QPCT: variants seen among roughly 807,000 people sequenced by gnomAD.
QPCT encodes the protein EC.
A neutral mutation model predicts 43.4 loss-of-function variants in QPCT; 44 were observed. The ratio of observed to expected loss-of-function variants is 1.01; its 90% CI spans 0.80 to 1.30. The LOEUF (loss-of-function observed/expected upper bound fraction) is 1.30. Among genes scored for constraint, QPCT ranks in the 50% most tolerant of loss-of-function variants. QPCT has a pLI of 0.00. For synonymous variants in QPCT, 168 were observed against 168.4 expected, an observed-to-expected ratio of 1.00 and a Z score of 0.02; for missense variants, 526 against 436.5, an observed-to-expected ratio of 1.21 and a Z score of -1.83.
At position 37,372,486 on chromosome 2, in the gene QPCT, G is replaced by C. The variant is rs1375441549; in HGVS notation, c.940+14G>C. 1 of 1,591,576 alleles carries C rather than the reference G, an allele frequency of 6.3e-7. No individual in the cohort carries two copies. Among genetic ancestry groups the C allele is most frequent in the South Asian group, 1.1e-5 (1 of 90,600 alleles). The stretch of plus-strand genomic sequence containing the variant: ...TTTTAAGAAGAGGTAATGTGTGTGT[G>C]TGTGTGTGTTTGTGTGTGTGTGCGT... On this transcript the variant is annotated intron_variant, in intron 6 of 6. Transcript: ENST00000338415.
intron 3 of QPCT, among the ~76,000 whole-genome samples, chr2:37,365,665 T>G (rs1309176463): frequency 6.6e-6 from 1 of 152,180 alleles, no homozygotes; most frequent in Non-Finnish European, 1.5e-5. Flanking sequence ...GAAATGGTAT[T>G]TGCTAGAGCA....
intron 5 of QPCT, 60 bp downstream of exon 5, chr2:37,369,844 T>C: frequency 9.9e-6 from 14 of 1,417,120 alleles, no homozygotes; most frequent in Middle Eastern, 1.8e-4. Context: ...AGATACTACA[T>C]TTTTAACATT....
Position 37,352,810 on chromosome 2 carries a change from T to G in QPCT, c.142T>G (p.Leu48Val). The G allele has an allele frequency of 6.2e-7, 1 of 1,614,132 alleles. No homozygotes were observed. Among genetic ancestry groups the G allele is most frequent in the Non-Finnish European group, 8.5e-7 (1 of 1,179,952 alleles). Residue 48 changes from leucine (L) to valine (V), a missense_variant, in exon 2 of 7, where the codon TTG becomes GTG. Leu to Val is a conservative substitution (Grantham distance 32). Coordinates refer to ENST00000338415, the MANE Select transcript of QPCT (RefSeq NM_012413.4). Reference sequence around the variant, plus strand: ...TCAGAATTACCACCAGCCAGCCATTTTGAATTCATCGGCTCTTCGGCAAAT... The same window carrying G: ...TCAGAATTACCACCAGCCAGCCATTGTGAATTCATCGGCTCTTCGGCAAAT... ...EEKNYHQPAI[L>V]NSSALRQIAE...
rs777455765 is a variant in QPCT, at chr2:37,359,668, C to G, written c.356C>G (p.Ser119Cys). 1 of 1,614,108 alleles carries G rather than the reference C, an allele frequency of 6.2e-7. No homozygotes were observed. The highest frequency in any genetic ancestry group is 1.1e-5 in the South Asian group (1 of 91,080). ...AGTCAGACACCCTATGGGTACCGGTCTTTCTCAAATATCATCAGCACCCTC... is the reference window on the plus strand; with the variant it reads ...AGTCAGACACCCTATGGGTACCGGTGTTTCTCAAATATCATCAGCACCCTC... ...FLSQTPYGYR[S>C]FSNIISTLNP... Residue 119 changes from serine (S) to cysteine (C), a missense_variant, in exon 3 of 7, where the codon TCT becomes TGT. Physicochemically the swap from Ser to Cys is moderately radical, Grantham distance 112. Transcript: ENST00000338415.
chr2:37,344,901 C>A, intron 1 of QPCT, 50 bp downstream of exon 1: 1 of 1,499,552 alleles, frequency 6.7e-7, no homozygotes, highest in Non-Finnish European at 8.9e-7. Flanking sequence ...TGGTCCGATG[C>A]GAGGACCCCT....
At chr2:37,346,776 G>A (rs911168130) in intron 1 of QPCT, among the ~76,000 whole-genome samples, 1 of 152,036 alleles carries the variant, frequency 6.6e-6, no homozygotes, top group Non-Finnish European at 1.5e-5. Flanking sequence ...AAGTCTTGCA[G>A]CCTGGGTGAT....
chr2:37,367,391 A>G lies in QPCT; in HGVS notation c.706A>G (p.Ser236Gly). The part of the protein sequence containing the change: ...TPHPPGARGT[S>G]QLHGMDLLVL... ...GCACCCACCTGGAGCGAGAGGCACCAGCCAACTGCATGGCATGGTTAGTCT... is the reference window on the plus strand; with the variant it reads ...GCACCCACCTGGAGCGAGAGGCACCGGCCAACTGCATGGCATGGTTAGTCT... The change falls in exon 4 of 7, where the codon AGC becomes GGC. Residue 236 changes from serine to glycine, a missense_variant. Coordinates refer to ENST00000338415, the MANE Select transcript of QPCT (RefSeq NM_012413.4). 1 of 1,613,712 alleles carries G rather than the reference A, an allele frequency of 6.2e-7. No individual in the cohort carries two copies. Among genetic ancestry groups the G allele is most frequent in the Non-Finnish European group, 8.5e-7 (1 of 1,179,808 alleles).
At chr2:37,357,086 A>C (rs1672767323) in intron 2 of QPCT, among the ~76,000 whole-genome samples, 1 of 152,188 alleles carries the variant, frequency 6.6e-6, no homozygotes, top group Non-Finnish European at 1.5e-5. Flanking sequence ...TAGTGTCAAC[A>C]AGGTCATCAG....
At chr2:37,370,631 A>G (rs932055506) in intron 5 of QPCT, among the ~76,000 whole-genome samples, 2 of 152,148 alleles carry the variant, frequency 1.3e-5, no homozygotes, top group African/African-American at 4.8e-5. Flanking sequence ...CCAAAGAAGC[A>G]AGAGATCAGG....
At chr2:37,355,836 A>T (rs62133300) in intron 2 of QPCT, among the ~76,000 whole-genome samples, 1,540 of 152,278 alleles carry the variant, frequency 0.01, 7 homozygotes, top group Non-Finnish European at 0.015. Flanking sequence ...AAAGAGGCAA[A>T]CTAGAAACTT....
rs1672445889 is a variant in QPCT at position 37,344,842 on chromosome 2, A to G, written c.111A>G (p.Pro37=). 7 of 1,595,576 alleles carry G rather than the reference A, an allele frequency of 4.4e-6. No individual in the cohort carries two copies. Among genetic ancestry groups the G allele is most frequent in the Non-Finnish European group, 6.0e-6 (7 of 1,172,186 alleles). ...RGVSPSASAW[P]EEKNYHQPAI... is the part of the protein sequence containing the mutation. Reference sequence around the variant, plus strand: ...TCAGTCCGAGTGCCTCAGCCTGGCCAGAGGAGAAGGTGAGGGGCTGTTTCT... The same window carrying G: ...TCAGTCCGAGTGCCTCAGCCTGGCCGGAGGAGAAGGTGAGGGGCTGTTTCT... Residue 37 remains proline (P), a synonymous_variant, in exon 1 of 7, where the codon CCA becomes CCG. Transcript: ENST00000338415.
intron 2 of QPCT, among the ~76,000 whole-genome samples, chr2:37,357,207 A>G (rs1264281112): frequency 6.6e-5 from 10 of 151,996 alleles, no homozygotes; most frequent in Non-Finnish European, 1.5e-4. Context: ...TGAGCTTGCA[A>G]TCTGCAATTG....
intron 2 of QPCT, among the ~76,000 whole-genome samples, chr2:37,358,108 G>GAAAAAAAAAAAAAAAA (rs553371602): frequency 9.1e-6 from 1 of 109,972 alleles, no homozygotes. Context: ...TATGATACTT[G>GAAAAAAAAAAAAAAAA]AAAAAAAAAA....
chr2:37,353,208 C>T (rs898282793), intron 2 of QPCT, among the ~76,000 whole-genome samples: 2 of 152,184 alleles, frequency 1.3e-5, no homozygotes, highest in Admixed American at 6.5e-5. Flanking sequence ...TAGCACACCC[C>T]GAGGCTCCCA....
In QPCT at chr2:37,352,876, T is replaced by C; in HGVS notation, c.208T>C (p.Leu70=). ...TATCTCTGAAATGTGGCAAAATGACTTACAGCCATTGCTGATAGAGCGATA... is the reference window on the plus strand; with the variant it reads ...TATCTCTGAAATGTGGCAAAATGACCTACAGCCATTGCTGATAGAGCGATA... ...TSISEMWQND[L]QPLLIERYPG... is the part of the protein sequence containing the mutation. The change falls in exon 2 of 7, where the codon TTA becomes CTA. Residue 70 remains leucine (L), a synonymous_variant. Transcript: ENST00000338415. 1.9e-6 allele frequency: 3 copies of C among 1,614,184 alleles called. No homozygotes were observed. Among genetic ancestry groups the C allele is most frequent in the South Asian group, 2.2e-5 (2 of 91,084 alleles).
chr2:37,356,971 C>T (rs1672761212), intron 2 of QPCT, among the ~76,000 whole-genome samples: 1 of 149,450 alleles, frequency 6.7e-6, no homozygotes, highest in South Asian at 2.1e-4. Context: ...TGTGCCACTG[C>T]ACTCCAGCCT....
In QPCT at chr2:37,366,382, A is replaced by G. The variant is rs185829555; in HGVS notation, c.547-850A>G. Among the ~76,000 whole-genome samples, 8 of 152,240 alleles carry G rather than the reference A, an allele frequency of 5.3e-5. No homozygotes were observed. In the East Asian group the frequency reaches 1.5e-3, roughly 29 times the overall value. ...AATTTCTAGAGGACTTTAATGTTACATTTGTGGCTGGTGGCACATTTTGCC... is the reference window on the plus strand; with the variant it reads ...AATTTCTAGAGGACTTTAATGTTACGTTTGTGGCTGGTGGCACATTTTGCC... On this transcript the variant is annotated intron_variant, in intron 3 of 6. Transcript: ENST00000338415.
intron 2 of QPCT, among the ~76,000 whole-genome samples, chr2:37,356,691 A>G (rs1672753758): frequency 6.6e-6 from 1 of 152,246 alleles, no homozygotes; most frequent in African/African-American, 2.4e-5. Context: ...GCTAAGATAA[A>G]CAAAAAATAG....
intron 3 of QPCT, among the ~76,000 whole-genome samples, chr2:37,361,831 C>A (rs1162308168): frequency 6.6e-6 from 1 of 152,212 alleles, no homozygotes; most frequent in Non-Finnish European, 1.5e-5. Flanking sequence ...TGGGGAAGGA[C>A]TGCAGATAAC....
Sources: allele counts gnomAD v4.1 joint callset (sites outside exome capture counted in the v4.1 genomes callset), GRCh38; gene constraint gnomAD v4.1.1; transcripts MANE v1.5; gene names NCBI Gene and HGNC (gene_info 2026-07-23, HGNC 2026-07-21).